Variants in UCKL1 observed in about 807,000 individuals in gnomAD.
UCKL1 encodes uridine-cytidine kinase 1 like 1.
UCKL1 carries 65 observed loss-of-function variants against 59.2 expected under a neutral mutation model. That is an observed-to-expected ratio of 1.10 (90% CI 0.90 to 1.35). UCKL1 has a LOEUF of 1.35. Ranked by LOEUF, UCKL1 falls within the 40% of genes most tolerant of loss-of-function variation. The probability of loss-of-function intolerance (pLI) is 0.00; values close to 1 mark genes in which losing one functional copy is unlikely to be tolerated. For missense variants in UCKL1, 703 were observed against 784.3 expected (o/e 0.90, Z 1.24); for synonymous variants, 410 against 323.1 (o/e 1.27, Z -2.88).
In UCKL1 at chr20:63,940,312, G is replaced by C; in HGVS notation, c.1411-6C>G. 6.2e-7 allele frequency: 1 copy of C among 1,612,610 alleles called. No homozygotes were observed. Among genetic ancestry groups the C allele is most frequent in the Non-Finnish European group, 8.5e-7 (1 of 1,179,940 alleles). The stretch of plus-strand genomic sequence containing the variant: ...TCCTCAGGCACGTCGTGGTCCTACC[G>C]AGTGTATTGGGCAGGTAAATCCCAC... On this transcript the variant is annotated splice_region_variant and splice_polypyrimidine_tract_variant and intron_variant, in intron 13 of 14. Coordinates refer to ENST00000354216, the MANE Select transcript of UCKL1 (RefSeq NM_017859.4).
chr20:63,940,827 C>T lies in UCKL1; in HGVS notation c.1146G>A (p.Gln382=), dbSNP rs889163240. The T allele has an allele frequency of 1.3e-6, 2 of 1,566,840 alleles. No individual in the cohort carries two copies. Among genetic ancestry groups the T allele is most frequent in the South Asian group, 1.2e-5 (1 of 83,690 alleles). The change falls in exon 11 of 15, where the codon CAG becomes CAA. Residue 382 remains glutamine (Q), a synonymous_variant. Coordinates refer to ENST00000354216, the MANE Select transcript of UCKL1 (RefSeq NM_017859.4). ...CCGCATAGCACTTGCCCGCATAGTC[C>T]TGCCCCTGCGGGGTCTGTACGACGC... ...QDCVVQTPQG[Q]DYAGKCYAGK... is the part of the protein sequence containing the mutation.
chr20:63,944,470 TG>T lies in UCKL1; in HGVS notation c.845-13del. ...CGTGTTGCCGCTCCCTGGGGCGGGA[TG>T]GGGGGGCGGGTGACCGGGGGCTGGG... On this transcript the variant is annotated splice_polypyrimidine_tract_variant and intron_variant, in intron 6 of 14. Transcript: ENST00000354216. 1.8e-5 allele frequency: 17 copies of T among 931,446 alleles called. No homozygotes were observed. The highest frequency in any genetic ancestry group is 5.2e-4 in the Middle Eastern group (2 of 3,838). 57.7% of individuals were successfully genotyped at this position (931,446 alleles called of 1,614,324 possible). A position where few individuals can be genotyped will look rare whatever the true frequency, so the allele number is the denominator to read the frequency against.
chr20:63,956,295 C>A lies in UCKL1; in HGVS notation c.78G>T (p.Arg26=), dbSNP rs765791630. 6.4e-7 allele frequency: 1 copy of A among 1,561,826 alleles called. No individual in the cohort carries two copies. Among genetic ancestry groups the A allele is most frequent in the South Asian group, 1.2e-5 (1 of 85,052 alleles). The change falls in exon 1 of 15, where the codon CGG becomes CGT. Residue 26 remains arginine, a synonymous_variant. Transcript: ENST00000354216. ...ACGCGGTCTCGCTTTTCTCAGCCTG[C>A]CGGCCTGGTGTGTCTCGGGCCGTAG... ...SPPTARDTPG[R]QAEKSETACE...
chr20:63,943,587 G>A (rs1168617645), intron 8 of UCKL1, 66 bp downstream of exon 8: 5 of 1,609,672 alleles, frequency 3.1e-6, no homozygotes, highest in East Asian at 2.2e-5. Context: ...TCACAGCCCA[G>A]ACCCCAGAGC....
In UCKL1 at chr20:63,945,817, C is replaced by A; in HGVS notation, c.570G>T (p.Arg190=). 1 of 1,613,594 alleles carries A rather than the reference C, an allele frequency of 6.2e-7. No homozygotes were observed. The highest frequency in any genetic ancestry group is 8.5e-7 in the Non-Finnish European group (1 of 1,179,982). The stretch of plus-strand genomic sequence containing the variant: ...GGCCCTGGCCTACCCAGTCCTTCTT[C>A]CGGCTGTGCGTGGTGAAGTCATAAA... The part of the protein sequence containing the change: ...VPIYDFTTHS[R]KKDWKTLYGA... Residue 190 remains arginine, a synonymous_variant, in exon 4 of 15, where the codon CGG becomes CGT. Transcript: ENST00000354216.
chr20:63,949,220 G>A (rs1236921339), intron 1 of UCKL1, among the ~76,000 whole-genome samples: 1 of 152,162 alleles, frequency 6.6e-6, no homozygotes, highest in Non-Finnish European at 1.5e-5. Context: ...TTCTGGAGCT[G>A]AGTGGTGACG....
rs1180219659 is a variant in UCKL1, at chr20:63,946,538, A to G, written c.219T>C (p.Arg73=). 1.9e-6 allele frequency: 3 copies of G among 1,608,888 alleles called. No individual in the cohort carries two copies. The highest frequency in any genetic ancestry group is 1.1e-5 in the South Asian group (1 of 90,544). The change falls in exon 2 of 15, where the codon CGT becomes CGC. Residue 73 remains arginine, a synonymous_variant. Coordinates refer to ENST00000354216, the MANE Select transcript of UCKL1 (RefSeq NM_017859.4). ...SQCKSEPPLL[R]TSKRTIYTAG... ...CGGTGTAGATGGTACGCTTGCTTGT[A>G]CGCAGCAGGGGAGGCTCTGACTTGC...
At chr20:63,944,104 C>A (rs572686570) in intron 7 of UCKL1, among the ~76,000 whole-genome samples, 10 of 152,356 alleles carry the variant, frequency 6.6e-5, no homozygotes, top group African/African-American at 2.4e-4. Context: ...TGCCTGTCTT[C>A]CCAAAAGCTC....
Position 63,940,488 on chromosome 20 carries a change from G to GCGGGCAGCAGGGGT in UCKL1, c.1303-17_1303-4dup. The GCGGGCAGCAGGGGT allele has an allele frequency of 1.2e-6, 2 of 1,610,378 alleles. No homozygotes were observed. The highest frequency in any genetic ancestry group is 2.7e-5 in the African/African-American group (2 of 75,054). ...TTGGGCAGCCTCAGGTAGTGGAGCTGCGGGCAGCAGGGGTCAGGCTGCAGG... is the reference window on the plus strand; with the variant it reads ...TTGGGCAGCCTCAGGTAGTGGAGCTGCGGGCAGCAGGGGTCGGGCAGCAGGGGTCAGGCTGCAGG... On this transcript the variant is annotated splice_polypyrimidine_tract_variant and splice_region_variant and intron_variant, in intron 12 of 14. Coordinates refer to ENST00000354216, the MANE Select transcript of UCKL1 (RefSeq NM_017859.4).
At chr20:63,947,947 G>A (rs1338142488) in intron 1 of UCKL1, among the ~76,000 whole-genome samples, 1 of 152,244 alleles carries the variant, frequency 6.6e-6, no homozygotes, top group Non-Finnish European at 1.5e-5. Context: ...GGAGCCCTGG[G>A]AGGGGCAGCC....
Position 63,940,819 on chromosome 20 carries a change from G to A in UCKL1, c.1154C>T (p.Ala385Val), listed in dbSNP as rs752350767. Residue 385 changes from alanine to valine, a missense_variant, in exon 11 of 15, where the codon GCG becomes GTG. Physicochemically the swap from Ala to Val is moderately conservative, Grantham distance 64. Around this residue, in one of 4 missense-constraint regions of UCKL1, gnomAD observed 156 missense variants for 185.6 expected, o/e 0.84. Transcript: ENST00000354216. Reference sequence around the variant, plus strand: ...CTGCTTCCCCGCATAGCACTTGCCCGCATAGTCCTGCCCCTGCGGGGTCTG... The same window carrying A: ...CTGCTTCCCCGCATAGCACTTGCCCACATAGTCCTGCCCCTGCGGGGTCTG... Reference protein sequence around the residue: ...VVQTPQGQDYAGKCYAGKQIT... With the variant: ...VVQTPQGQDYVGKCYAGKQIT... 6.4e-6 allele frequency: 10 copies of A among 1,571,348 alleles called. 1 individual carries two copies. The African/African-American group carries it at 8.1e-5, about 13-fold the overall frequency.
intron 1 of UCKL1, chr20:63,948,621 T>TGTGTGGGGGGGGC (rs2056972901): frequency 1.4e-5 from 1 of 69,580 alleles, no homozygotes; most frequent in Non-Finnish European, 2.9e-5. Flanking sequence ...GGGAGGGGCG[T>TGTGTGGGGGGGGC]GTGTGAGAGG....
chr20:63,950,941 C>A (rs1205239325), intron 1 of UCKL1: 21 of 1,331,728 alleles, frequency 1.6e-5, no homozygotes, highest in Non-Finnish European at 2.0e-5. Context: ...CCACAGCAGT[C>A]CCCTAGGGCA....
chr20:63,946,439 C>A lies in UCKL1; in HGVS notation c.304+14G>T, dbSNP rs3818840. On this transcript the variant is annotated intron_variant, in intron 2 of 14. Coordinates refer to ENST00000354216, the MANE Select transcript of UCKL1 (RefSeq NM_017859.4). ...GGCGTCCGGCAGCAGGTCCCACCCC[C>A]CCGCTGCTCTCACCGATGGCGAAGG... 2.4e-5 allele frequency: 37 copies of A among 1,536,518 alleles called. No homozygotes were observed. In the African/African-American group the frequency reaches 2.6e-4, roughly 11 times the overall value.
At chr20:63,947,506 G>T (rs1032192044) in intron 1 of UCKL1, among the ~76,000 whole-genome samples, 6 of 152,246 alleles carry the variant, frequency 3.9e-5, no homozygotes, top group Admixed American at 1.3e-4. Flanking sequence ...GGACCAGGCT[G>T]AAGGGCTCAG....
intron 8 of UCKL1, chr20:63,941,544 G>C (rs751209540): frequency 5.0e-5 from 17 of 338,456 alleles, no homozygotes; most frequent in South Asian, 4.8e-4. Context: ...GGGCTCACAC[G>C]TGCTGATAGG....
chr20:63,941,412 C>T (rs905052051), intron 8 of UCKL1: 5 of 729,670 alleles, frequency 6.9e-6, no homozygotes, highest in Non-Finnish European at 9.1e-6. Flanking sequence ...CGAAAGATGG[C>T]GGCGAACAAC....
At chr20:63,949,420 G>A (rs746298448) in intron 1 of UCKL1, among the ~76,000 whole-genome samples, 4 of 152,140 alleles carry the variant, frequency 2.6e-5, no homozygotes, top group Non-Finnish European at 5.9e-5. Context: ...CTGAAGGGCT[G>A]TCAGTCAAGA....
chr20:63,940,750 G>T (rs1030113236), intron 11 of UCKL1, 34 bp from the exon 12 acceptor site: 23 of 1,605,114 alleles, frequency 1.4e-5, no homozygotes, highest in Non-Finnish European at 1.7e-5. Flanking sequence ...CCCACATCCC[G>T]CCCCAGCAGC....
Sources: allele counts gnomAD v4.1 joint callset (sites outside exome capture counted in the v4.1 genomes callset), GRCh38; gene constraint gnomAD v4.1.1; regional missense constraint gnomAD v4.1.1; transcripts MANE v1.5; gene names NCBI Gene and HGNC (gene_info 2026-07-23, HGNC 2026-07-21).